Variants in CYSLTR1 observed in about 807,000 individuals in gnomAD.
CYSLTR1 encodes G-protein coupled receptor HG55.
Under a neutral mutation model 2.1 loss-of-function variants are expected in CYSLTR1, and 1 was observed. The observed-to-expected ratio is 0.48, with a 90% confidence interval of 0.17 to 2.28. The LOEUF is 2.28. Among genes scored for constraint, CYSLTR1 ranks in the 30% most tolerant of loss-of-function variants. The pLI is 0.26. For missense variants in CYSLTR1, 299 were observed against 250.1 expected, an observed-to-expected ratio of 1.20 and a Z score of -1.32; for synonymous variants, 110 against 89.6, an observed-to-expected ratio of 1.23 and a Z score of -1.28.
intron 1 of CYSLTR1, among the ~76,000 whole-genome samples, chrX:78,289,566 T>A (rs750900517): frequency 8.9e-6 from 1 of 112,186 alleles, no homozygotes; most frequent in South Asian, 3.8e-4. Flanking sequence ...TGAACTAAAG[T>A]ACACTCCCAC....
chrX:78,288,747 CAAAT>C (rs1341980189), intron 1 of CYSLTR1, among the ~76,000 whole-genome samples: 1 of 111,147 alleles, frequency 9.0e-6, no homozygotes, highest in Non-Finnish European at 1.9e-5. Context: ...TTAAAATGTA[CAAAT>C]AAATTATTAT....
chrX:78,316,220 A>T, intron 1 of CYSLTR1, among the ~76,000 whole-genome samples: 1 of 112,566 alleles, frequency 8.9e-6, no homozygotes, highest in Non-Finnish European at 1.9e-5. Context: ...CAGTGAAGCC[A>T]TCCCTGACTG....
At chrX:78,304,826 T>G in intron 1 of CYSLTR1, among the ~76,000 whole-genome samples, 1 of 111,968 alleles carries the variant, frequency 8.9e-6, no homozygotes, top group Admixed American at 9.5e-5. Context: ...TGCTATGTCT[T>G]TAGATGAATG....
intron 1 of CYSLTR1, among the ~76,000 whole-genome samples, chrX:78,304,049 T>C (rs1922933070): frequency 1.8e-5 from 2 of 111,946 alleles, no homozygotes; most frequent in Admixed American, 1.9e-4. Flanking sequence ...CTGAACTTCT[T>C]CTAGGTGATA....
At chrX:78,306,215 G>A (rs1923024769) in intron 1 of CYSLTR1, among the ~76,000 whole-genome samples, 1 of 111,186 alleles carries the variant, frequency 9.0e-6, no homozygotes, top group Non-Finnish European at 1.9e-5. Context: ...ACAGGCTGGA[G>A]TGTAATGGCA....
At chrX:78,303,297 G>A (rs1922895458) in intron 1 of CYSLTR1, among the ~76,000 whole-genome samples, 1 of 111,826 alleles carries the variant, frequency 8.9e-6, no homozygotes, top group Non-Finnish European at 1.9e-5. Flanking sequence ...GCTAGGAGAT[G>A]TGGGAGGGAT....
intron 2 of CYSLTR1, among the ~76,000 whole-genome samples, chrX:78,274,057 A>T (rs1320795479): frequency 3.6e-5 from 4 of 111,545 alleles, no homozygotes; most frequent in Non-Finnish European, 5.6e-5. Flanking sequence ...TGTATTTTAA[A>T]TCATACTACT....
chrX:78,272,813 G>A lies in CYSLTR1; in HGVS notation c.934C>T (p.His312Tyr), dbSNP rs758713318. The change falls in exon 3 of 3, where the codon CAT (histidine) becomes TAT (tyrosine). Residue 312 changes from histidine to tyrosine, a missense_variant. Transcript: ENST00000373304. ...ACATAAGTCACGCTGGACAAAGAAT[G>A]CTTTCTGAATGTAGACAGCCTTTTC... ...FRKRLSTFRK[H>Y]SLSSVTYVPR... 8.3e-7 allele frequency: 1 copy of A among 1,211,023 alleles called. No homozygotes were observed. The highest frequency in any genetic ancestry group is 1.1e-6 in the Non-Finnish European group (1 of 895,194).
At chrX:78,275,961 T>A (rs1402821144) in intron 2 of CYSLTR1, among the ~76,000 whole-genome samples, 1 of 111,864 alleles carries the variant, frequency 8.9e-6, no homozygotes, top group Non-Finnish European at 1.9e-5. Context: ...ATGAGAAAAA[T>A]GTTTTAGAGT....
intron 1 of CYSLTR1, chrX:78,320,258 C>T (rs1923590054): frequency 8.9e-6 from 1 of 111,959 alleles, no homozygotes; most frequent in East Asian, 2.8e-4. Flanking sequence ...ATATTTAAGT[C>T]TTTAATCCAT....
chrX:78,278,736 A>T (rs772540330), intron 2 of CYSLTR1, among the ~76,000 whole-genome samples: 15 of 112,583 alleles, frequency 1.3e-4, no homozygotes, highest in African/African-American at 4.2e-4. Flanking sequence ...ACCAAACAGC[A>T]TAATACAGGT....
chrX:78,281,138 T>C (rs1384786904), intron 2 of CYSLTR1, among the ~76,000 whole-genome samples: 1 of 111,892 alleles, frequency 8.9e-6, no homozygotes, highest in African/African-American at 3.3e-5. Flanking sequence ...AGTTCTATTT[T>C]TAGCTCTTTG....
At chrX:78,292,752 T>G (rs950418204) in intron 1 of CYSLTR1, among the ~76,000 whole-genome samples, 2 of 110,990 alleles carry the variant, frequency 1.8e-5, no homozygotes, top group Non-Finnish European at 3.8e-5. Context: ...TGATCTTTGT[T>G]GGTTTAAAGT....
chrX:78,292,902 C>G (rs1478160541), intron 1 of CYSLTR1, among the ~76,000 whole-genome samples: 1 of 109,451 alleles, frequency 9.1e-6, no homozygotes, highest in Non-Finnish European at 1.9e-5. Context: ...CTGAATACAG[C>G]ATACTGATGG....
At chrX:78,315,372 G>T (rs1254152336) in intron 1 of CYSLTR1, among the ~76,000 whole-genome samples, 1 of 111,327 alleles carries the variant, frequency 9.0e-6, no homozygotes, top group Non-Finnish European at 1.9e-5. Context: ...CTTCGGAAGG[G>T]AGAGAAAAAA....
chrX:78,310,159 A>G (rs960364287), intron 1 of CYSLTR1, among the ~76,000 whole-genome samples: 5 of 111,753 alleles, frequency 4.5e-5, no homozygotes, highest in Non-Finnish European at 9.4e-5. Context: ...AGAGGTCTCC[A>G]GTGGCCTATT....
intron 2 of CYSLTR1, among the ~76,000 whole-genome samples, chrX:78,278,959 T>G (rs748973261): frequency 8.9e-6 from 1 of 111,877 alleles, no homozygotes; most frequent in South Asian, 3.7e-4. Flanking sequence ...AAAAATAAAC[T>G]CAAGATGAAT....
At chrX:78,287,462 T>A (rs372969431) in intron 1 of CYSLTR1, among the ~76,000 whole-genome samples, 16 of 111,634 alleles carry the variant, frequency 1.4e-4, no homozygotes, top group Non-Finnish European at 2.8e-4. Flanking sequence ...GTGGTGAAAG[T>A]GTTCTAAAAT....
chrX:78,284,493 C>T lies in CYSLTR1; in HGVS notation c.-114-953G>A, dbSNP rs1023446375. Among the ~76,000 whole-genome samples the T allele has an allele frequency of 9.0e-5, 10 of 111,273 alleles. No individual in the cohort carries two copies. The South Asian group carries it at 1.5e-3, about 17-fold the overall frequency. The stretch of plus-strand genomic sequence containing the variant: ...TCCACTCACTCTGACCTCCGCCTCC[C>T]GGGTTCAAGCAATTCTCCTGCCTCA... On this transcript the variant is annotated intron_variant, in intron 1 of 2. Coordinates refer to ENST00000373304, the MANE Select transcript of CYSLTR1 (RefSeq NM_006639.4).
Sources: allele counts gnomAD v4.1 joint callset (sites outside exome capture counted in the v4.1 genomes callset), GRCh38; gene constraint gnomAD v4.1.1; transcripts MANE v1.5; gene names NCBI Gene and HGNC (gene_info 2026-07-23, HGNC 2026-07-21).